Variants in ATP8A2 observed in about 807,000 individuals in gnomAD.
ATP8A2 encodes the protein ATPase phospholipid transporting 8A2, also known as phospholipid-transporting ATPase IB.
Under a neutral mutation model 165.6 loss-of-function variants are expected in ATP8A2, and 100 were observed. The observed-to-expected ratio is 0.60, with a 90% CI of 0.51 to 0.71. The LOEUF is 0.71. ATP8A2 is among the 30% of genes least tolerant of loss of function. The pLI is 0.00. For synonymous variants in ATP8A2, 543 were observed against 548.8 expected (o/e 0.99, Z 0.15); for missense variants, 1,227 against 1,479.5 (o/e 0.83, Z 2.80).
At chr13:25,404,447 C>T (rs2033734193) in intron 1 of ATP8A2, among the ~76,000 whole-genome samples, 1 of 152,088 alleles carries the variant, frequency 6.6e-6, no homozygotes, top group African/African-American at 2.4e-5. Flanking sequence ...GAGATTCACA[C>T]TTGAGGATTT....
intron 23 of ATP8A2, among the ~76,000 whole-genome samples, chr13:25,583,319 C>T (rs942102981): frequency 1.3e-5 from 2 of 152,100 alleles, no homozygotes; most frequent in Non-Finnish European, 2.9e-5. Flanking sequence ...TTGACTGTTA[C>T]CCTGAAATAC....
At chr13:25,531,741 T>C (rs2038121403) in intron 4 of ATP8A2, among the ~76,000 whole-genome samples, 1 of 152,082 alleles carries the variant, frequency 6.6e-6, no homozygotes, top group African/African-American at 2.4e-5. Flanking sequence ...TTATAAACAC[T>C]GTATGAAGTT....
chr13:25,859,657 G>A (rs1952287214), intron 30 of ATP8A2, among the ~76,000 whole-genome samples: 1 of 152,150 alleles, frequency 6.6e-6, no homozygotes, highest in Non-Finnish European at 1.5e-5. Flanking sequence ...CGTTCCCCCA[G>A]GTGATAGACT....
At chr13:25,473,325 G>A (rs914509148) in intron 2 of ATP8A2, among the ~76,000 whole-genome samples, 1 of 152,136 alleles carries the variant, frequency 6.6e-6, no homozygotes, top group African/African-American at 2.4e-5. Flanking sequence ...CATAATGATG[G>A]AGAATTATGA....
At chr13:25,682,575 T>C (rs2042514840) in intron 24 of ATP8A2, among the ~76,000 whole-genome samples, 1 of 152,214 alleles carries the variant, frequency 6.6e-6, no homozygotes, top group Admixed American at 6.5e-5. Flanking sequence ...GGAAGGCTTC[T>C]CTGCTCGCTT....
chr13:25,687,748 C>A (rs1170397667), intron 24 of ATP8A2, among the ~76,000 whole-genome samples: 1 of 151,756 alleles, frequency 6.6e-6, no homozygotes, highest in East Asian at 1.9e-4. Context: ...ACTGTTTATT[C>A]TTTTTAGTAA....
chr13:25,524,052 T>G (rs1238258954), intron 2 of ATP8A2, among the ~76,000 whole-genome samples: 1 of 152,170 alleles, frequency 6.6e-6, no homozygotes, highest in East Asian at 1.9e-4. Context: ...TTTTGGTATG[T>G]TATATTTCCA....
At chr13:25,549,070 T>C (rs1472679379) in intron 10 of ATP8A2, among the ~76,000 whole-genome samples, 1 of 152,210 alleles carries the variant, frequency 6.6e-6, no homozygotes, top group Non-Finnish European at 1.5e-5. Context: ...TGAAGGAGAA[T>C]GCTGACTTAA....
intron 35 of ATP8A2, among the ~76,000 whole-genome samples, chr13:26,007,214 G>C (rs1370189528): frequency 6.6e-6 from 1 of 152,004 alleles, no homozygotes; most frequent in African/African-American, 2.4e-5. Flanking sequence ...TCAATCTTGA[G>C]CTTTTCCAAC....
chr13:25,924,602 A>G (rs1464424104), intron 33 of ATP8A2, among the ~76,000 whole-genome samples: 1 of 151,294 alleles, frequency 6.6e-6, no homozygotes, highest in African/African-American at 2.4e-5. Flanking sequence ...AAATAAGGTC[A>G]TATTCAGAGA....
At chr13:25,656,362 G>A (rs144726469) in intron 24 of ATP8A2, among the ~76,000 whole-genome samples, 5,138 of 151,284 alleles carry the variant, frequency 0.034, 147 homozygotes, top group East Asian at 0.13. Context: ...TGCAACCTCC[G>A]CCTCCTGGGT....
intron 35 of ATP8A2, among the ~76,000 whole-genome samples, chr13:25,978,054 T>C (rs1956097524): frequency 6.6e-6 from 1 of 152,248 alleles, no homozygotes; most frequent in Non-Finnish European, 1.5e-5. Flanking sequence ...CTGATGAATT[T>C]ATTCTCAGTT....
At position 25,403,631 on chromosome 13, in the gene ATP8A2, G is replaced by A. The variant is rs531169378; in HGVS notation, c.76+31343G>A. Among the ~76,000 whole-genome samples, 41 of 152,312 alleles carry A rather than the reference G, an allele frequency of 2.7e-4. 1 individual carries two copies. The South Asian group carries it at 8.3e-3, about 31-fold the overall frequency. On this transcript the variant is annotated intron_variant, in intron 1 of 36. Coordinates refer to ENST00000381655, the MANE Select transcript of ATP8A2 (RefSeq NM_016529.6). The stretch of plus-strand genomic sequence containing the variant: ...GCCAGCTTTCTAGATCAGGAGATTA[G>A]GTGGTTGCCTCTATCTGTGTGGCAG...
At chr13:25,676,363 C>T (rs1428344796) in intron 24 of ATP8A2, among the ~76,000 whole-genome samples, 1 of 152,142 alleles carries the variant, frequency 6.6e-6, no homozygotes, top group Non-Finnish European at 1.5e-5. Context: ...AGCTCTTCCC[C>T]CGGCTTGAGT....
chr13:25,874,506 G>A (rs1952772337), intron 33 of ATP8A2, among the ~76,000 whole-genome samples: 1 of 152,182 alleles, frequency 6.6e-6, no homozygotes, highest in Admixed American at 6.5e-5. Flanking sequence ...TGTATGAGGT[G>A]TCATCTCACA....
At chr13:25,868,358 TTCC>T (rs1952575427) in intron 33 of ATP8A2, among the ~76,000 whole-genome samples, 1 of 152,228 alleles carries the variant, frequency 6.6e-6, no homozygotes, top group African/African-American at 2.4e-5. Context: ...CGGTCCAGTT[TTCC>T]TCAAGTATCG....
chr13:25,432,595 A>G (rs139689185), intron 1 of ATP8A2, among the ~76,000 whole-genome samples: 1,851 of 152,012 alleles, frequency 0.012, 29 homozygotes, highest in Non-Finnish European at 0.02. Context: ...CTCCTAGGCA[A>G]GGGCACCCCA....
intron 33 of ATP8A2, among the ~76,000 whole-genome samples, chr13:25,950,530 GTCT>G (rs1955327860): frequency 1.3e-5 from 2 of 152,180 alleles, no homozygotes; most frequent in South Asian, 4.1e-4. Context: ...ATTGGGAAAT[GTCT>G]TCTTCTCACT....
chr13:25,826,385 G>A (rs1951313800), intron 27 of ATP8A2, among the ~76,000 whole-genome samples: 1 of 152,148 alleles, frequency 6.6e-6, no homozygotes, highest in African/African-American at 2.4e-5. Context: ...TGTATTTAAG[G>A]AAAACTTCAT....
Sources: allele counts gnomAD v4.1 joint callset (sites outside exome capture counted in the v4.1 genomes callset), GRCh38; gene constraint gnomAD v4.1.1; transcripts MANE v1.5; gene names NCBI Gene and HGNC (gene_info 2026-07-23, HGNC 2026-07-21).